MAP7D2: variants seen among roughly 807,000 people sequenced by gnomAD.
MAP7D2 encodes MAP7 domain-containing protein 2.
In MAP7D2, 33 loss-of-function variants were observed where a neutral mutation model predicts 63.5. The ratio of observed to expected loss-of-function variants is 0.52; its 90% CI spans 0.39 to 0.70. The LOEUF (loss-of-function observed/expected upper bound fraction) is 0.70. MAP7D2 is among the 30% of genes least tolerant of loss of function. The pLI, the probability that MAP7D2 is intolerant of heterozygous loss-of-function variation, is 0.00. For synonymous variants in MAP7D2, 224 were observed against 223.7 expected (o/e 1.00, Z -0.01); for missense variants, 626 against 604.0 (o/e 1.04, Z -0.38).
chrX:20,066,495 A>T (rs775265771), intron 1 of MAP7D2, among the ~76,000 whole-genome samples: 27 of 112,121 alleles, frequency 2.4e-4, no homozygotes, highest in Non-Finnish European at 4.7e-4. Flanking sequence ...AAATGAGATA[A>T]GTACTAGAAA....
intron 3 of MAP7D2, among the ~76,000 whole-genome samples, chrX:20,060,472 AAGAAAG>A (rs1439588711): frequency 9.3e-5 from 10 of 107,688 alleles, no homozygotes; most frequent in Non-Finnish European, 1.9e-4. Flanking sequence ...GAAAGAAAGA[AAGAAAG>A]AAAGAAAGAA....
intron 5 of MAP7D2, chrX:20,052,535 A>G: frequency 4.2e-6 from 1 of 240,635 alleles, no homozygotes; most frequent in Non-Finnish European, 7.7e-6. Flanking sequence ...GTATTCCATC[A>G]TTGACCAGGC....
intron 7 of MAP7D2, among the ~76,000 whole-genome samples, chrX:20,042,981 C>T (rs1185902303): frequency 2.7e-5 from 3 of 111,969 alleles, no homozygotes; most frequent in African/African-American, 6.5e-5. Context: ...GTGGTTACAA[C>T]ATCCAAGACA....
chrX:20,059,629 TGGAA>T (rs1173651597), intron 3 of MAP7D2, among the ~76,000 whole-genome samples: 1,112 of 45,877 alleles, frequency 0.024, 14 homozygotes, highest in Middle Eastern at 0.13. Flanking sequence ...GAAGGAAGGG[TGGAA>T]GGAAGGAAGG....
chrX:20,089,969 A>G (rs189710730), intron 1 of MAP7D2, among the ~76,000 whole-genome samples: 1 of 110,995 alleles, frequency 9.0e-6, no homozygotes, highest in East Asian at 2.8e-4. Context: ...CCCATAATCA[A>G]GTTTTAGAAC....
intron 2 of MAP7D2, among the ~76,000 whole-genome samples, chrX:20,064,393 G>C (rs1204800785): frequency 2.7e-5 from 3 of 111,900 alleles, no homozygotes; most frequent in African/African-American, 9.7e-5. Context: ...ATTCCCAAGA[G>C]AGAACCTGAG....
intron 10 of MAP7D2, among the ~76,000 whole-genome samples, chrX:20,022,168 T>C (rs1369692319): frequency 9.0e-6 from 1 of 110,830 alleles, no homozygotes; most frequent in Non-Finnish European, 1.9e-5. Flanking sequence ...AATGAAGAGG[T>C]GTCTGGCAGG....
At chrX:20,094,522 A>ATATATATATATG (rs2066177350) in intron 1 of MAP7D2, among the ~76,000 whole-genome samples, 1 of 13,915 alleles carries the variant, frequency 7.2e-5, no homozygotes, top group Non-Finnish European at 1.0e-4. Context: ...ATATGTATAT[A>ATATATATATATG]TATATATATA....
At chrX:20,054,597 T>C (rs1217785858) in intron 4 of MAP7D2, among the ~76,000 whole-genome samples, 1 of 110,759 alleles carries the variant, frequency 9.0e-6, no homozygotes, top group East Asian at 2.8e-4. Flanking sequence ...CTTTTTTCTT[T>C]TTTTTTCAAG....
Position 20,008,228 on chromosome X carries a change from GA to G in MAP7D2, c.*196del, listed in dbSNP as rs1234543040. 1 of 112,122 alleles carries G rather than the reference GA, an allele frequency of 8.9e-6. No individual in the cohort carries two copies. Among genetic ancestry groups the G allele is most frequent in the African/African-American group, 3.2e-5 (1 of 30,867 alleles). 9.2% of individuals were successfully genotyped at this position (112,122 alleles called of 1,213,427 possible). ...AAACTTTGCTAAAGCCCAGCAAGGT[GA>G]AAGTTTCAAGGTTTCTACCAAGAGT... On this transcript the variant is annotated 3_prime_UTR_variant, in exon 17 of 17. Coordinates refer to ENST00000379643, the MANE Select transcript of MAP7D2 (RefSeq NM_001168465.2).
At chrX:20,030,773 G>A (rs1488480198) in intron 8 of MAP7D2, among the ~76,000 whole-genome samples, 2 of 111,402 alleles carry the variant, frequency 1.8e-5, no homozygotes, top group Non-Finnish European at 3.8e-5. Flanking sequence ...GTTTTATACC[G>A]GAGAAACCTG....
intron 1 of MAP7D2, 153 bp downstream of exon 1, chrX:20,116,597 C>G: frequency 2.0e-6 from 2 of 979,854 alleles, no homozygotes; most frequent in Non-Finnish European, 2.6e-6. Flanking sequence ...GATGCACGTC[C>G]GGACGATCCT....
chrX:20,042,651 C>A (rs369655434), intron 7 of MAP7D2, 22 bp from the exon 8 acceptor site: 2 of 1,209,904 alleles, frequency 1.7e-6, no homozygotes, highest in South Asian at 3.5e-5. Context: ...ACAGGATAGC[C>A]ACAGTCCATG....
intron 1 of MAP7D2, among the ~76,000 whole-genome samples, chrX:20,075,365 T>G (rs2065616391): frequency 9.1e-6 from 1 of 110,429 alleles, no homozygotes. Flanking sequence ...GTGGGTAGAT[T>G]TCCAGGACTG....
Position 20,104,487 on chromosome X carries a change from GA to G in MAP7D2, c.130+12262del, listed in dbSNP as rs945062786. Among the ~76,000 whole-genome samples, 10 of 111,664 alleles carry G rather than the reference GA, an allele frequency of 9.0e-5. No individual in the cohort carries two copies. In the Admixed American group the frequency reaches 9.5e-4, roughly 11 times the overall value. ...GGCTAATTTTTGTATTTTTAGTAGA[GA>G]GGGGGTTTCGCCATGTTGGCCAGGC... On this transcript the variant is annotated intron_variant, in intron 1 of 16. Coordinates refer to ENST00000379643, the MANE Select transcript of MAP7D2 (RefSeq NM_001168465.2).
intron 8 of MAP7D2, among the ~76,000 whole-genome samples, chrX:20,041,565 G>A (rs1410838517): frequency 8.9e-6 from 1 of 111,782 alleles, no homozygotes; most frequent in Non-Finnish European, 1.9e-5. Context: ...TGACAAATTC[G>A]CAAGTTTTCA....
intron 10 of MAP7D2, among the ~76,000 whole-genome samples, chrX:20,017,705 A>T (rs2073454398): frequency 8.9e-6 from 1 of 112,165 alleles, no homozygotes; most frequent in Non-Finnish European, 1.9e-5. Context: ...AGAACCTATC[A>T]GAAAGAAGCT....
intron 1 of MAP7D2, among the ~76,000 whole-genome samples, chrX:20,066,626 C>T (rs1031207663): frequency 9.0e-6 from 1 of 111,644 alleles, no homozygotes; most frequent in Non-Finnish European, 1.9e-5. Context: ...AGCCACCCCG[C>T]AATCTGACTC....
rs1400096065 is a variant in MAP7D2, at chrX:20,007,406, G to C, written c.*1019C>G. 1 of 112,218 alleles carries C rather than the reference G, an allele frequency of 8.9e-6. No homozygotes were observed. The highest frequency in any genetic ancestry group is 1.9e-5 in the Non-Finnish European group (1 of 53,233). 9.2% of individuals were successfully genotyped at this position (112,218 alleles called of 1,213,427 possible). On this transcript the variant is annotated 3_prime_UTR_variant, in exon 17 of 17. Coordinates refer to ENST00000379643, the MANE Select transcript of MAP7D2 (RefSeq NM_001168465.2). Reference sequence around the variant, plus strand: ...CATTATATGGCATAAAATGTGTGGAGTATACATTCTAGTGTCATTTTTCCC... The same window carrying C: ...CATTATATGGCATAAAATGTGTGGACTATACATTCTAGTGTCATTTTTCCC...
Sources: allele counts gnomAD v4.1 joint callset (sites outside exome capture counted in the v4.1 genomes callset), GRCh38; gene constraint gnomAD v4.1.1; transcripts MANE v1.5; gene names NCBI Gene and HGNC (gene_info 2026-07-23, HGNC 2026-07-21).